The following ADGRB3 variants were observed in gnomAD, a reference collection of about 807,000 sequenced individuals.
The protein encoded by ADGRB3 is brain-specific angiogenesis inhibitor 3.
A neutral mutation model predicts 193.4 loss-of-function variants in ADGRB3; 37 were observed. That is an observed-to-expected ratio of 0.19 (90% CI 0.15 to 0.25). ADGRB3 has a LOEUF of 0.25. Among genes scored for constraint, ADGRB3 ranks in the 10% least tolerant of loss-of-function variants. The probability of loss-of-function intolerance (pLI) is 1.00; values close to 1 mark genes in which losing one functional copy is unlikely to be tolerated. For synonymous variants in ADGRB3, 690 were observed against 644.2 expected (o/e 1.07, Z -1.08); for missense variants, 1,637 against 1,852.9 (o/e 0.88, Z 2.14).
At chr6:68,947,806 G>C (rs1439854612) in intron 6 of ADGRB3, among the ~76,000 whole-genome samples, 1 of 152,046 alleles carries the variant, frequency 6.6e-6, no homozygotes, top group Non-Finnish European at 1.5e-5. Context: ...GAACCTGATA[G>C]GGAGCAAATA....
intron 3 of ADGRB3, among the ~76,000 whole-genome samples, chr6:68,807,945 C>A (rs1767438317): frequency 6.6e-6 from 1 of 151,956 alleles, no homozygotes; most frequent in Admixed American, 6.6e-5. Flanking sequence ...ATTTTTTTCC[C>A]AGGGTGTCTC....
At chr6:68,959,336 G>A (rs1297264754) in intron 8 of ADGRB3, among the ~76,000 whole-genome samples, 1 of 151,978 alleles carries the variant, frequency 6.6e-6, no homozygotes, top group African/African-American at 2.4e-5. Flanking sequence ...AGGCATCTTT[G>A]TCTTTGTGTT....
chr6:68,650,088 G>T (rs1448914408), intron 3 of ADGRB3, among the ~76,000 whole-genome samples: 1 of 152,148 alleles, frequency 6.6e-6, no homozygotes, highest in Non-Finnish European at 1.5e-5. Context: ...AGTTGAGTTA[G>T]TGAGGTGATT....
intron 21 of ADGRB3, 78 bp from the exon 22 acceptor site, chr6:69,327,742 T>G: frequency 8.1e-7 from 1 of 1,233,368 alleles, no homozygotes; most frequent in Middle Eastern, 2.0e-4. Flanking sequence ...GCACCTGGAG[T>G]TTGTTCTGGC....
chr6:68,916,871 T>C (rs769722127), intron 3 of ADGRB3, among the ~76,000 whole-genome samples: 1 of 152,176 alleles, frequency 6.6e-6, no homozygotes, highest in Admixed American at 6.5e-5. Context: ...GGCTTTTTCA[T>C]ACGAGACAGG....
At chr6:68,738,638 G>A (rs956505365) in intron 3 of ADGRB3, among the ~76,000 whole-genome samples, 2 of 152,096 alleles carry the variant, frequency 1.3e-5, no homozygotes, top group Non-Finnish European at 2.9e-5. Flanking sequence ...GAAAATAAGA[G>A]TTATCAACAA....
chr6:68,734,923 C>G (rs1170430343), intron 3 of ADGRB3, among the ~76,000 whole-genome samples: 1 of 151,818 alleles, frequency 6.6e-6, no homozygotes, highest in African/African-American at 2.4e-5. Context: ...TGGGTTTCTA[C>G]TAGGGATTTC....
At chr6:69,268,728 G>A (rs1207883972) in intron 20 of ADGRB3, among the ~76,000 whole-genome samples, 1 of 152,118 alleles carries the variant, frequency 6.6e-6, no homozygotes, top group Non-Finnish European at 1.5e-5. Flanking sequence ...TGTCATTCAT[G>A]ATTACTCTCT....
At chr6:68,994,073 ATCC>A (rs60543954) in intron 11 of ADGRB3, 111 bp downstream of exon 11, 473,339 of 1,039,270 alleles carry the variant, frequency 0.46, 116,692 homozygotes, top group Middle Eastern at 0.59. Context: ...GATAATGCTC[ATCC>A]AAGTTATGCT....
At position 69,241,958 on chromosome 6, in the gene ADGRB3, C is replaced by T. The variant is rs149951827; in HGVS notation, c.2814+2732C>T. On this transcript the variant is annotated intron_variant, in intron 20 of 31. Coordinates refer to ENST00000370598, the MANE Select transcript of ADGRB3 (RefSeq NM_001704.3). ...AGTAGATGTTCTTACAAGCCTGGGA[C>T]AATTCACATTAGAGTGATTAGAAGA... is the stretch of plus-strand genomic sequence containing the variant. 2.5e-3 allele frequency among the ~76,000 whole-genome samples: 380 copies of T among 151,994 alleles called. 4 individuals carry two copies. The highest frequency in any genetic ancestry group is 8.9e-3 in the African/African-American group (369 of 41,528).
intron 6 of ADGRB3, among the ~76,000 whole-genome samples, chr6:68,946,359 T>G (rs1471014622): frequency 2.0e-5 from 3 of 152,088 alleles, no homozygotes; most frequent in Non-Finnish European, 4.4e-5. Flanking sequence ...ATCAATGAGA[T>G]GTAAGGCACT....
chr6:68,641,511 G>T (rs184525154), intron 3 of ADGRB3, among the ~76,000 whole-genome samples: 1 of 152,288 alleles, frequency 6.6e-6, no homozygotes, highest in East Asian at 1.9e-4. Flanking sequence ...CATTTAAAGT[G>T]CAGTATGATG....
intron 3 of ADGRB3, among the ~76,000 whole-genome samples, chr6:68,811,474 T>C (rs1767511651): frequency 6.6e-6 from 1 of 152,034 alleles, no homozygotes; most frequent in Admixed American, 6.6e-5. Flanking sequence ...GGGGTTCGTT[T>C]GTTTGTTTGT....
At chr6:69,245,232 T>C (rs576789653) in intron 20 of ADGRB3, among the ~76,000 whole-genome samples, 5 of 152,194 alleles carry the variant, frequency 3.3e-5, no homozygotes, top group South Asian at 2.1e-4. Context: ...TACAGTATTA[T>C]CAATCCCATT....
chr6:69,171,132 AC>A (rs1775260897), intron 17 of ADGRB3, among the ~76,000 whole-genome samples: 1 of 117,628 alleles, frequency 8.5e-6, no homozygotes, highest in Admixed American at 8.6e-5. Flanking sequence ...GAAGATACTT[AC>A]ATTCTCTTTT....
chr6:69,145,410 G>A (rs1582496633), intron 17 of ADGRB3, among the ~76,000 whole-genome samples: 1 of 152,328 alleles, frequency 6.6e-6, no homozygotes, highest in East Asian at 1.9e-4. Flanking sequence ...GCCAGGAACT[G>A]CAGAGCCCCC....
chr6:69,330,665 C>A, intron 23 of ADGRB3, 93 bp downstream of exon 23: 2 of 1,035,264 alleles, frequency 1.9e-6, no homozygotes, highest in African/African-American at 1.6e-5. Context: ...TAATGTAGTT[C>A]TTGTGTAGAA....
chr6:68,713,925 T>A (rs1765448797), intron 3 of ADGRB3, among the ~76,000 whole-genome samples: 1 of 151,704 alleles, frequency 6.6e-6, no homozygotes, highest in Non-Finnish European at 1.5e-5. Context: ...ATTATAACAA[T>A]CTTTGGATTA....
intron 20 of ADGRB3, among the ~76,000 whole-genome samples, chr6:69,293,602 C>G (rs1286479198): frequency 2.0e-5 from 3 of 152,140 alleles, no homozygotes; most frequent in Non-Finnish European, 4.4e-5. Flanking sequence ...ATTTCGTTCT[C>G]TAAAGAGTCT....
Sources: allele counts gnomAD v4.1 joint callset (sites outside exome capture counted in the v4.1 genomes callset), GRCh38; gene constraint gnomAD v4.1.1; transcripts MANE v1.5; gene names NCBI Gene and HGNC (gene_info 2026-07-23, HGNC 2026-07-21).